Variants in PCLO observed in about 807,000 individuals in gnomAD.
PCLO encodes piccolo presynaptic cytomatrix protein, also known as protein piccolo.
Under a neutral mutation model 427.5 loss-of-function variants are expected in PCLO, and 82 were observed. That is an observed-to-expected ratio of 0.19 (90% CI 0.16 to 0.23). The LOEUF (loss-of-function observed/expected upper bound fraction) is 0.23. Ranked by LOEUF, PCLO falls within the 10% of genes least tolerant of loss-of-function variation. PCLO has a pLI of 1.00. For synonymous variants in PCLO, 2,357 were observed against 2,155.4 expected (o/e 1.09, Z -2.59); for missense variants, 6,239 against 6,115.9 (o/e 1.02, Z -0.67).
At chr7:82,893,532 C>A (rs5005793) in intron 9 of PCLO, among the ~76,000 whole-genome samples, 5,062 of 151,790 alleles carry the variant, frequency 0.033, 291 homozygotes, top group African/African-American at 0.11. Flanking sequence ...TGTAACAAAC[C>A]TTCACGTTGT....
chr7:83,059,381 A>ATATATAT lies in PCLO; in HGVS notation c.3300+74868_3300+74869insATATATA, dbSNP rs757350399. Among the ~76,000 whole-genome samples the ATATATAT allele has an allele frequency of 3.3e-3, 319 of 95,908 alleles. 2 individuals are homozygous for ATATATAT. The highest frequency in any genetic ancestry group is 3.9e-3 in the South Asian group (11 of 2,840). 62.9% of individuals were successfully genotyped at this position (95,908 alleles called of 152,430 possible). On this transcript the variant is annotated intron_variant, in intron 3 of 24. Coordinates refer to ENST00000333891, the MANE Select transcript of PCLO (RefSeq NM_033026.6). ...AAATATATATATATATATATATATA[A>ATATATAT]AAATGAAAAATAAGGTGAGATCAAC...
chr7:82,795,609 C>G (rs1368814544), intron 22 of PCLO, among the ~76,000 whole-genome samples: 2 of 152,100 alleles, frequency 1.3e-5, no homozygotes, highest in African/African-American at 4.8e-5. Flanking sequence ...TAGATTCTAA[C>G]TCTTTTTAAT....
chr7:82,913,613 A>G (rs1311729102), intron 7 of PCLO, among the ~76,000 whole-genome samples: 2 of 152,076 alleles, frequency 1.3e-5, no homozygotes, highest in African/African-American at 4.8e-5. Context: ...TAGGCTCTTC[A>G]CACCTTTGTA....
At chr7:82,926,907 T>TC (rs1394244913) in intron 6 of PCLO, among the ~76,000 whole-genome samples, 2 of 152,152 alleles carry the variant, frequency 1.3e-5, no homozygotes, top group Non-Finnish European at 2.9e-5. Context: ...CATCCTTCCC[T>TC]CCCTTCCTTT....
chr7:83,017,272 TG>T, intron 3 of PCLO, among the ~76,000 whole-genome samples: 1 of 152,098 alleles, frequency 6.6e-6, no homozygotes, highest in East Asian at 1.9e-4. Flanking sequence ...AAATTCATAA[TG>T]CAGTCATAGA....
intron 20 of PCLO, chr7:82,821,327 G>A: frequency 1.0e-6 from 1 of 986,088 alleles, no homozygotes; most frequent in African/African-American, 1.7e-5. Context: ...GAAACCCAGA[G>A]TATGTATCCT....
chr7:82,815,168 T>C (rs866542442), intron 20 of PCLO, among the ~76,000 whole-genome samples: 19 of 152,016 alleles, frequency 1.2e-4, no homozygotes, highest in African/African-American at 4.1e-4. Context: ...TATTTTATCA[T>C]AAAATCTTGT....
At chr7:83,061,513 G>T (rs977000320) in intron 3 of PCLO, among the ~76,000 whole-genome samples, 1 of 152,152 alleles carries the variant, frequency 6.6e-6, no homozygotes, top group Non-Finnish European at 1.5e-5. Flanking sequence ...CACAAGTCCA[G>T]CTTGCATTCA....
At chr7:82,763,670 C>G (rs913577288) in intron 22 of PCLO, among the ~76,000 whole-genome samples, 1 of 152,016 alleles carries the variant, frequency 6.6e-6, no homozygotes, top group South Asian at 2.1e-4. Flanking sequence ...TATAACATAT[C>G]TCTCCTCGCT....
chr7:82,911,097 A>G (rs1173015562), intron 7 of PCLO, among the ~76,000 whole-genome samples: 3 of 152,136 alleles, frequency 2.0e-5, no homozygotes. Context: ...CTGTGCCTAT[A>G]GAAATAAAGT....
intron 3 of PCLO, among the ~76,000 whole-genome samples, chr7:83,116,912 A>C (rs1791149060): frequency 6.6e-6 from 1 of 152,172 alleles, no homozygotes; most frequent in Non-Finnish European, 1.5e-5. Context: ...AGCATTATTC[A>C]CAATATCCAA....
At chr7:83,069,923 T>C (rs1014841946) in intron 3 of PCLO, among the ~76,000 whole-genome samples, 2 of 151,890 alleles carry the variant, frequency 1.3e-5, no homozygotes, top group Non-Finnish European at 2.9e-5. Context: ...TTTAAAGATA[T>C]GCTGACCAAT....
At chr7:83,063,511 T>C (rs530625362) in intron 3 of PCLO, among the ~76,000 whole-genome samples, 1 of 152,240 alleles carries the variant, frequency 6.6e-6, no homozygotes, top group East Asian at 1.9e-4. Flanking sequence ...TATTCAACTT[T>C]TTTAAAATAA....
intron 3 of PCLO, among the ~76,000 whole-genome samples, chr7:83,088,080 C>G (rs1790284797): frequency 6.6e-6 from 1 of 152,068 alleles, no homozygotes; most frequent in Non-Finnish European, 1.5e-5. Flanking sequence ...ACACAATAAG[C>G]AATCTTGAAA....
intron 3 of PCLO, among the ~76,000 whole-genome samples, chr7:83,129,633 T>C (rs1054853889): frequency 1.3e-5 from 2 of 152,116 alleles, no homozygotes; most frequent in African/African-American, 4.8e-5. Flanking sequence ...TAGTTAAAAA[T>C]ACTAACATTT....
In PCLO at chr7:82,914,975, A is replaced by G; in HGVS notation, c.13011T>C (p.Thr4337=). Reference sequence around the variant, plus strand: ...GACTAATTGGCAAACTGGTCGGCTTAGTTCTGGCAGAGGATGATGCATGAC... The same window carrying G: ...GACTAATTGGCAAACTGGTCGGCTTGGTTCTGGCAGAGGATGATGCATGAC... ...SFSHASSSAR[T]KPTSLPISQS... Residue 4337 remains threonine, a synonymous_variant, in exon 7 of 25, where the codon ACT becomes ACC. Coordinates refer to ENST00000333891, the MANE Select transcript of PCLO (RefSeq NM_033026.6). 1 of 1,613,726 alleles carries G rather than the reference A, an allele frequency of 6.2e-7. No homozygotes were observed.
intron 22 of PCLO, among the ~76,000 whole-genome samples, chr7:82,792,299 C>T (rs1215100650): frequency 6.7e-6 from 1 of 150,352 alleles, no homozygotes; most frequent in East Asian, 1.9e-4. Flanking sequence ...TTTTTCATTT[C>T]TTCATATAAC....
intron 3 of PCLO, among the ~76,000 whole-genome samples, chr7:83,105,657 G>A (rs759622091): frequency 9.2e-5 from 14 of 152,192 alleles, no homozygotes; most frequent in Non-Finnish European, 1.3e-4. Flanking sequence ...CACTGGACAC[G>A]GACACTGTGC....
chr7:83,005,058 G>A (rs1787914437), intron 3 of PCLO, among the ~76,000 whole-genome samples: 3 of 131,524 alleles, frequency 2.3e-5, no homozygotes, highest in African/African-American at 9.4e-5. Context: ...CATTGTAGGA[G>A]GGAATGTAAA....
Sources: gnomAD v4.1 joint callset for allele counts (sites outside exome capture counted in the v4.1 genomes callset) on GRCh38, gnomAD v4.1.1 for gene constraint, MANE v1.5 for transcripts, NCBI Gene and HGNC (gene_info 2026-07-23, HGNC 2026-07-21) for gene names.